CDC37L1: variants seen among roughly 807,000 people sequenced by gnomAD.
CDC37L1 encodes cell division cycle 37 like 1, HSP90 cochaperone.
CDC37L1 carries 32 observed loss-of-function variants against 45.9 expected under a neutral mutation model. That is an observed-to-expected ratio of 0.70 (90% CI 0.53 to 0.94). The LOEUF (loss-of-function observed/expected upper bound fraction) is 0.94, where lower values mean the gene tolerates loss of function less well. Ranked by LOEUF, CDC37L1 falls within the 40% of genes least tolerant of loss-of-function variation. The probability of loss-of-function intolerance (pLI) is 0.00; values close to 1 mark genes in which losing one functional copy is unlikely to be tolerated. For missense variants in CDC37L1, 434 were observed against 405.7 expected, an observed-to-expected ratio of 1.07 and a Z score of -0.60; for synonymous variants, 150 against 133.0, an observed-to-expected ratio of 1.13 and a Z score of -0.88.
intron 6 of CDC37L1, among the ~76,000 whole-genome samples, chr9:4,705,436 G>C (rs1268556566): frequency 6.6e-6 from 1 of 152,066 alleles, no homozygotes; most frequent in Non-Finnish European, 1.5e-5. Flanking sequence ...GTTTATGCTT[G>C]TTTAACAAAT....
chr9:4,691,501 G>C (rs151217203), intron 3 of CDC37L1, among the ~76,000 whole-genome samples: 1 of 152,172 alleles, frequency 6.6e-6, no homozygotes, highest in South Asian at 2.1e-4. Flanking sequence ...TCTGCAATAG[G>C]AGATGTAATT....
intron 6 of CDC37L1, among the ~76,000 whole-genome samples, chr9:4,704,967 G>A (rs753240862): frequency 5.9e-5 from 9 of 152,150 alleles, no homozygotes; most frequent in Non-Finnish European, 1.0e-4. Flanking sequence ...GAGTGTCCCA[G>A]ACCTCAGTCA....
chr9:4,681,801 A>G (rs1243550314), intron 1 of CDC37L1, among the ~76,000 whole-genome samples: 1 of 152,228 alleles, frequency 6.6e-6, no homozygotes, highest in East Asian at 1.9e-4. Flanking sequence ...TCCTAAAAAA[A>G]GCTTTGGCTT....
At position 4,707,861 on chromosome 9, in the gene CDC37L1, C is replaced by T. The variant is rs1263952285; in HGVS notation, c.*1749C>T. On this transcript the variant is annotated 3_prime_UTR_variant, in exon 7 of 7. Transcript: ENST00000381854. The stretch of plus-strand genomic sequence containing the variant: ...CTTGAATTATTATTTTCCCTTCTTT[C>T]CCAGGATTTGCCTGTAAGCATTCAA... The T allele has an allele frequency of 2.0e-5, 3 of 152,276 alleles. 1 individual carries two copies. Among genetic ancestry groups the T allele is most frequent in the South Asian group, 4.1e-4 (2 of 4,830 alleles). 9.4% of individuals were successfully genotyped at this position (152,276 alleles called of 1,614,324 possible). A position where few individuals can be genotyped will look rare whatever the true frequency, so the allele number is the denominator to read the frequency against.
At chr9:4,682,923 T>G (rs1484514556) in intron 1 of CDC37L1, among the ~76,000 whole-genome samples, 1 of 149,516 alleles carries the variant, frequency 6.7e-6, no homozygotes, top group Admixed American at 6.7e-5. Flanking sequence ...CTTGATCCTA[T>G]TCTAAGATAA....
rs1030716360 is a variant in CDC37L1, at chr9:4,701,870, G to A, written c.754G>A (p.Glu252Lys). The A allele has an allele frequency of 1.3e-6, 2 of 1,597,828 alleles. No homozygotes were observed. Among genetic ancestry groups the A allele is most frequent in the Non-Finnish European group, 1.7e-6 (2 of 1,174,290 alleles). The stretch of plus-strand genomic sequence containing the variant: ...TTTTTTTTGTTTTTTCTAGGCAGAG[G>A]AAGAAGGTTATTTTGAAGCATTCAA... Reference protein sequence around the residue: ...RLFFQKAKAEEEGYFEAFKNE... With the variant: ...RLFFQKAKAEKEGYFEAFKNE... The change falls in exon 6 of 7, where the codon GAA (glutamate) becomes AAA (lysine). Residue 252 changes from glutamate (E) to lysine (K), a missense_variant. By Grantham distance (56) the Glu-to-Lys change is moderately conservative. Coordinates refer to ENST00000381854, the MANE Select transcript of CDC37L1 (RefSeq NM_017913.4).
chr9:4,682,600 C>CGTAA (rs1183158148), intron 1 of CDC37L1, among the ~76,000 whole-genome samples: 1 of 152,004 alleles, frequency 6.6e-6, no homozygotes, highest in Admixed American at 6.6e-5. Flanking sequence ...GCTGGGATTA[C>CGTAA]AGGTGTAAGC....
At chr9:4,701,462 A>G (rs1841395238) in intron 5 of CDC37L1, among the ~76,000 whole-genome samples, 1 of 152,224 alleles carries the variant, frequency 6.6e-6, no homozygotes, top group Admixed American at 6.5e-5. Context: ...GAGAATTAAA[A>G]GGTTTTAAGA....
intron 4 of CDC37L1, 65 bp from the exon 5 acceptor site, chr9:4,697,692 T>C: frequency 2.6e-6 from 2 of 779,946 alleles, no homozygotes; most frequent in Middle Eastern, 3.6e-4. Flanking sequence ...ATTCAAAATT[T>C]GAATCAGTAT....
Position 4,686,793 on chromosome 9 carries a change from C to G in CDC37L1, c.414+1635C>G, listed in dbSNP as rs182237208. Among the ~76,000 whole-genome samples the G allele has an allele frequency of 4.8e-3, 736 of 152,306 alleles. 5 individuals carry two copies. The highest frequency in any genetic ancestry group is 0.027 in the Middle Eastern group (8 of 294). ...TCTGCACTATCCAACTTGATAGCCA[C>G]TAGCCACATGTGCTATTGAGTGCTT... is the stretch of plus-strand genomic sequence containing the variant. On this transcript the variant is annotated intron_variant, in intron 2 of 6. Coordinates refer to ENST00000381854, the MANE Select transcript of CDC37L1 (RefSeq NM_017913.4).
intron 2 of CDC37L1, among the ~76,000 whole-genome samples, chr9:4,685,832 A>G (rs762183246): frequency 3.3e-5 from 5 of 152,228 alleles, no homozygotes; most frequent in Admixed American, 6.5e-5. Flanking sequence ...GCAAAACTTC[A>G]TGAACTAGTA....
chr9:4,697,618 C>CT lies in CDC37L1; in HGVS notation c.625-136dup, dbSNP rs1435241839. Reference sequence around the variant, plus strand: ...AATAAAAAAAAAACTAAGATATACTCTTTATATGTTTGTAAAGTATTTGAC... The same window carrying CT: ...AATAAAAAAAAAACTAAGATATACTCTTTTATATGTTTGTAAAGTATTTGAC... On this transcript the variant is annotated intron_variant, in intron 4 of 6. Coordinates refer to ENST00000381854, the MANE Select transcript of CDC37L1 (RefSeq NM_017913.4). 1.1e-5 allele frequency: 6 copies of CT among 553,988 alleles called. No individual in the cohort carries two copies. In the East Asian group the frequency reaches 1.5e-4, roughly 14 times the overall value. The allele number at this position is 553,988 out of a possible 1,614,324, so 34.3% of individuals were successfully genotyped here.
chr9:4,707,668 A>T lies in CDC37L1; in HGVS notation c.*1556A>T, dbSNP rs147040693. On this transcript the variant is annotated 3_prime_UTR_variant, in exon 7 of 7. Transcript: ENST00000381854. Reference sequence around the variant, plus strand: ...AATAAAATGTTTGACTAATTTATATAGTAGTGTTTGTCAGCCTGTACTTTT... The same window carrying T: ...AATAAAATGTTTGACTAATTTATATTGTAGTGTTTGTCAGCCTGTACTTTT... 6.6e-6 allele frequency: 1 copy of T among 151,882 alleles called. No individual in the cohort carries two copies. Among genetic ancestry groups the T allele is most frequent in the African/African-American group, 2.4e-5 (1 of 41,364 alleles). 9.4% of individuals were successfully genotyped at this position (151,882 alleles called of 1,614,324 possible).
chr9:4,689,551 T>G (rs1156818431), intron 3 of CDC37L1, among the ~76,000 whole-genome samples: 1 of 152,134 alleles, frequency 6.6e-6, no homozygotes, highest in African/African-American at 2.4e-5. Flanking sequence ...ATATTCACTT[T>G]GCTCATACTT....
At chr9:4,683,822 G>A (rs1006628602) in intron 1 of CDC37L1, among the ~76,000 whole-genome samples, 22 of 152,188 alleles carry the variant, frequency 1.4e-4, no homozygotes, top group African/African-American at 4.6e-4. Context: ...TACATTTGAC[G>A]AAGAACTCAT....
chr9:4,693,854 AC>A (rs1475676671), intron 3 of CDC37L1, among the ~76,000 whole-genome samples: 3 of 152,160 alleles, frequency 2.0e-5, no homozygotes, highest in African/African-American at 7.2e-5. Context: ...TGAGTTAGGT[AC>A]TATTTTTAGC....
chr9:4,692,333 G>C (rs571647584), intron 3 of CDC37L1, among the ~76,000 whole-genome samples: 1 of 151,064 alleles, frequency 6.6e-6, no homozygotes, highest in South Asian at 2.1e-4. Context: ...ACAGTGGTGT[G>C]ATCTCAGCTC....
intron 5 of CDC37L1, among the ~76,000 whole-genome samples, chr9:4,700,436 C>T (rs1483650744): frequency 6.6e-6 from 1 of 152,188 alleles, no homozygotes; most frequent in Admixed American, 6.5e-5. Flanking sequence ...ACATGAGCCA[C>T]CACACCCGGT....
intron 1 of CDC37L1, 43 bp downstream of exon 1, chr9:4,679,942 G>A (rs755706878): frequency 1.9e-6 from 3 of 1,608,988 alleles, no homozygotes; most frequent in East Asian, 4.5e-5. Flanking sequence ...GAGTGGTGCT[G>A]TCGCCAAACC....
Sources: gnomAD v4.1 joint callset for allele counts (sites outside exome capture counted in the v4.1 genomes callset) on GRCh38, gnomAD v4.1.1 for gene constraint, MANE v1.5 for transcripts, NCBI Gene and HGNC (gene_info 2026-07-23, HGNC 2026-07-21) for gene names.